CEP95: variants seen among roughly 807,000 people sequenced by gnomAD.
The protein encoded by CEP95 is centrosomal protein 95.
A neutral mutation model predicts 111.2 loss-of-function variants in CEP95; 98 were observed. That is an observed-to-expected ratio of 0.88 (90% confidence interval 0.75 to 1.04). CEP95 has a LOEUF of 1.04. Ranked by LOEUF, CEP95 falls within the 50% of genes least tolerant of loss-of-function variation. The pLI, the probability that CEP95 is intolerant of heterozygous loss-of-function variation, is 0.00. For synonymous variants in CEP95, 323 were observed against 327.1 expected, an observed-to-expected ratio of 0.99 and a Z score of 0.14; for missense variants, 1,027 against 977.2, an observed-to-expected ratio of 1.05 and a Z score of -0.68.
intron 16 of CEP95, chr17:64,534,293 A>C (rs1968491842): frequency 9.6e-6 from 3 of 310,970 alleles, no homozygotes; most frequent in African/African-American, 2.2e-5. Context: ...GTGAGGTGGC[A>C]TCTGGGCCAG....
chr17:64,506,828 G>T (rs868952064), upstream of CEP95: 26 of 592,290 alleles, frequency 4.4e-5, no homozygotes, highest in African/African-American at 4.9e-4. Flanking sequence ...CCGCGTGTCT[G>T]ATAATCCTTT....
chr17:64,511,553 T>A (rs1368278640), intron 3 of CEP95, among the ~76,000 whole-genome samples: 2 of 152,236 alleles, frequency 1.3e-5, no homozygotes, highest in African/African-American at 4.8e-5. Context: ...GAACAATTGC[T>A]GTTATCCTGT....
intron 4 of CEP95, among the ~76,000 whole-genome samples, chr17:64,516,397 C>T (rs1459696181): frequency 2.0e-5 from 3 of 152,162 alleles, no homozygotes; most frequent in Admixed American, 6.5e-5. Flanking sequence ...ATCACGTTTT[C>T]TGTCACCTTG....
chr17:64,507,121 GT>G lies in CEP95; in HGVS notation c.19+6del, dbSNP rs1555673184. ...ACATGGCAGGCTCGGATGCTGGTGAGTGTCTCCCTGGGGTCCCAGTATGTGT... is the reference window on the plus strand; with the variant it reads ...ACATGGCAGGCTCGGATGCTGGTGAGGTCTCCCTGGGGTCCCAGTATGTGT... On this transcript the variant is annotated splice_donor_region_variant and intron_variant, in intron 1 of 19. Coordinates refer to ENST00000556440, the MANE Select transcript of CEP95 (RefSeq NM_138363.3). 4 of 1,551,372 alleles carry G rather than the reference GT, an allele frequency of 2.6e-6. No individual in the cohort carries two copies. The highest frequency in any genetic ancestry group is 2.0e-5 in the Admixed American group (1 of 50,982).
At chr17:64,531,190 G>T in intron 13 of CEP95, 172 bp downstream of exon 13, 1 of 415,492 alleles carries the variant, frequency 2.4e-6, no homozygotes, top group Middle Eastern at 3.2e-4. Context: ...AGGCATTCAG[G>T]TTGCTAAAAT....
Position 64,514,287 on chromosome 17 carries a change from A to G in CEP95, c.296A>G (p.Asn99Ser), listed in dbSNP as rs2039034363. The change falls in exon 4 of 20, where the codon AAT becomes AGT. Residue 99 changes from asparagine (N) to serine (S), a missense_variant. Asn to Ser is a conservative substitution (Grantham distance 46). Coordinates refer to ENST00000556440, the MANE Select transcript of CEP95 (RefSeq NM_138363.3). Reference sequence around the variant, plus strand: ...AAAGGAGATAAAGAATCTATTAAGAATCTCCTGGAAATATTTGATGGTTTG... The same window carrying G: ...AAAGGAGATAAAGAATCTATTAAGAGTCTCCTGGAAATATTTGATGGTTTG... ...IVKGDKESIK[N>S]LLEIFDGLLE... 1 of 1,494,002 alleles carries G rather than the reference A, an allele frequency of 6.7e-7. No individual in the cohort carries two copies. The highest frequency in any genetic ancestry group is 1.2e-5 in the South Asian group (1 of 82,378). The allele number at this position is 1,494,002 out of a possible 1,614,324, so 92.5% of individuals were successfully genotyped here. A position where few individuals can be genotyped will look rare whatever the true frequency, so the allele number is the denominator to read the frequency against.
intron 7 of CEP95, 21 bp downstream of exon 7, chr17:64,521,548 G>C: frequency 6.2e-7 from 1 of 1,601,282 alleles, no homozygotes; most frequent in Non-Finnish European, 8.5e-7. Context: ...ATGGATGTTA[G>C]TTCTTTACTG....
chr17:64,533,607 A>G (rs1369168099), intron 16 of CEP95, among the ~76,000 whole-genome samples: 4 of 152,170 alleles, frequency 2.6e-5, no homozygotes, highest in Admixed American at 1.3e-4. Context: ...ACCCTGTCTC[A>G]ACAACAACAA....
chr17:64,526,054 G>T lies in CEP95; in HGVS notation c.1023-17G>T, dbSNP rs1555679021. The T allele has an allele frequency of 2.5e-6, 4 of 1,604,934 alleles. No individual in the cohort carries two copies. In the African/African-American group the frequency reaches 5.4e-5, roughly 22 times the overall value. ...ACACCTAGCTATTTTACTGTCAAATGGTCACTTTTATTACAGAAATGAAAA... is the reference window on the plus strand; with the variant it reads ...ACACCTAGCTATTTTACTGTCAAATTGTCACTTTTATTACAGAAATGAAAA... On this transcript the variant is annotated splice_polypyrimidine_tract_variant and intron_variant, in intron 9 of 19. Coordinates refer to ENST00000556440, the MANE Select transcript of CEP95 (RefSeq NM_138363.3).
rs1555680378 is a variant in CEP95 at position 64,531,897 on chromosome 17, T to C, written c.1547T>C (p.Ile516Thr). The change falls in exon 14 of 20, where the codon ATA becomes ACA. Residue 516 changes from isoleucine to threonine, a missense_variant. Coordinates refer to ENST00000556440, the MANE Select transcript of CEP95 (RefSeq NM_138363.3). ...TTTATATCTGCTTCTAAGGAAAAAA[T>C]ATACAGAGGAGAAGCTGTTCGTAAA... ...IHEKEEETEKIYRGEAVRKGT... is the reference protein window; with the variant it reads ...IHEKEEETEKTYRGEAVRKGT... 2.6e-6 allele frequency: 4 copies of C among 1,568,488 alleles called. No individual in the cohort carries two copies.
chr17:64,532,082 A>C, intron 14 of CEP95, 60 bp downstream of exon 14: 1 of 1,484,882 alleles, frequency 6.7e-7, no homozygotes, highest in East Asian at 2.4e-5. Context: ...CATGTGCAAC[A>C]TTCCAAGGAC....
intron 6 of CEP95, among the ~76,000 whole-genome samples, chr17:64,521,085 A>C (rs1967297114): frequency 1.3e-5 from 2 of 152,120 alleles, no homozygotes; most frequent in Non-Finnish European, 2.9e-5. Context: ...ACAATACAAA[A>C]AATTAGCCAG....
At chr17:64,523,189 T>C (rs576854244) in intron 8 of CEP95, among the ~76,000 whole-genome samples, 3 of 152,270 alleles carry the variant, frequency 2.0e-5, no homozygotes, top group Middle Eastern at 3.4e-3. Flanking sequence ...AGCCAACACA[T>C]AGTGAATGTT....
At position 64,529,444 on chromosome 17, in the gene CEP95, T is replaced by G. The variant is rs1555679851; in HGVS notation, c.1446+17T>G. On this transcript the variant is annotated intron_variant, in intron 12 of 19. Transcript: ENST00000556440. Reference sequence around the variant, plus strand: ...CAAGCACAGGTTCTTCCCCATCTCTTGACTACCATTAAGCAGCAGCCAGTA... The same window carrying G: ...CAAGCACAGGTTCTTCCCCATCTCTGGACTACCATTAAGCAGCAGCCAGTA... 6.2e-7 allele frequency: 1 copy of G among 1,612,620 alleles called. No homozygotes were observed. Among genetic ancestry groups the G allele is most frequent in the Admixed American group, 1.7e-5 (1 of 59,882 alleles).
At chr17:64,521,090 A>G (rs960288059) in intron 6 of CEP95, among the ~76,000 whole-genome samples, 7 of 152,168 alleles carry the variant, frequency 4.6e-5, no homozygotes, top group African/African-American at 1.7e-4. Context: ...ACAAAAAATT[A>G]GCCAGGCATG....
At chr17:64,534,835 C>A in intron 17 of CEP95, 98 bp downstream of exon 17, 1 of 1,426,488 alleles carries the variant, frequency 7.0e-7, no homozygotes, top group Non-Finnish European at 9.7e-7. Flanking sequence ...AAATTTGAAT[C>A]CAAAATCTAA....
rs9891033 is a variant in CEP95, at chr17:64,520,747, A to G, written c.590-655A>G. Among the ~76,000 whole-genome samples the G allele has an allele frequency of 8.0e-3, 1,216 of 152,288 alleles. 18 individuals carry two copies. Among genetic ancestry groups the G allele is most frequent in the African/African-American group, 0.028 (1,153 of 41,558 alleles). On this transcript the variant is annotated intron_variant, in intron 6 of 19. Transcript: ENST00000556440. Reference sequence around the variant, plus strand: ...TGCGCTTGGCCTGGACCATGAGTCCATGTTTCTGGTACTAGCTAAGACCCT... The same window carrying G: ...TGCGCTTGGCCTGGACCATGAGTCCGTGTTTCTGGTACTAGCTAAGACCCT...
chr17:64,526,512 G>C (rs781791025), intron 10 of CEP95, among the ~76,000 whole-genome samples: 20 of 152,174 alleles, frequency 1.3e-4, no homozygotes, highest in Non-Finnish European at 2.5e-4. Context: ...GCTAAAGACA[G>C]ATCTGGTATA....
intron 2 of CEP95, among the ~76,000 whole-genome samples, chr17:64,509,650 A>G (rs1408340002): frequency 2.0e-5 from 3 of 152,238 alleles, no homozygotes; most frequent in Admixed American, 6.5e-5. Flanking sequence ...ACGCCACTGC[A>G]TTCCAGCCTG....
Sources: gnomAD v4.1 joint callset for allele counts (sites outside exome capture counted in the v4.1 genomes callset) on GRCh38, gnomAD v4.1.1 for gene constraint, MANE v1.5 for transcripts, NCBI Gene and HGNC (gene_info 2026-07-23, HGNC 2026-07-21) for gene names.